Variants in LRFN5 observed in about 807,000 individuals in gnomAD.
The protein encoded by LRFN5 is leucine rich repeat and fibronectin type III domain containing 5, also known as leucine-rich repeat and fibronectin type-III domain-containing protein 5.
LRFN5 carries 24 observed loss-of-function variants against 45.6 expected under a neutral mutation model. That is an observed-to-expected ratio of 0.53 (90% confidence interval 0.38 to 0.74). The LOEUF is 0.74. Among genes scored for constraint, LRFN5 ranks in the 30% least tolerant of loss-of-function variants. The pLI is 0.00. For synonymous variants in LRFN5, 340 were observed against 313.8 expected, an observed-to-expected ratio of 1.08 and a Z score of -0.88; for missense variants, 776 against 861.5, an observed-to-expected ratio of 0.90 and a Z score of 1.24.
At chr14:41,750,331 A>G (rs1228086587) in intron 1 of LRFN5, among the ~76,000 whole-genome samples, 2 of 149,530 alleles carry the variant, frequency 1.3e-5, no homozygotes, top group Non-Finnish European at 1.5e-5. Flanking sequence ...TTTCATGTAT[A>G]TATATTTCTA....
Position 41,819,321 on chromosome 14 carries a change from G to A in LRFN5, c.-21+52292G>A, listed in dbSNP as rs925935098. On this transcript the variant is annotated intron_variant, in intron 2 of 5. Transcript: ENST00000298119. ...AATCTTTGTATTCTTTTCCTTAGAGGTTATACTAAATTGTATAACCAATAA... is the reference window on the plus strand; with the variant it reads ...AATCTTTGTATTCTTTTCCTTAGAGATTATACTAAATTGTATAACCAATAA... 3.9e-5 allele frequency among the ~76,000 whole-genome samples: 6 copies of A among 152,036 alleles called. 1 individual carries two copies. The South Asian group carries it at 1.2e-3, about 32-fold the overall frequency.
At chr14:41,833,854 T>G (rs1001975711) in intron 2 of LRFN5, among the ~76,000 whole-genome samples, 1 of 152,238 alleles carries the variant, frequency 6.6e-6, no homozygotes, top group African/African-American at 2.4e-5. Context: ...CTCTTTCTTT[T>G]GAACTACTGA....
At chr14:41,725,825 C>A (rs1712675685) in intron 1 of LRFN5, among the ~76,000 whole-genome samples, 1 of 152,082 alleles carries the variant, frequency 6.6e-6, no homozygotes, top group African/African-American at 2.4e-5. Context: ...AAGACATGCT[C>A]TTTTCTGGAG....
At chr14:41,894,450 A>G (rs1890875195) in intron 4 of LRFN5, 1 of 952,314 alleles carries the variant, frequency 1.1e-6, no homozygotes, top group Admixed American at 6.2e-5. Flanking sequence ...CAATATTTAA[A>G]CCAAATGCTT....
At chr14:41,728,160 T>A (rs937829248) in intron 1 of LRFN5, among the ~76,000 whole-genome samples, 1 of 152,162 alleles carries the variant, frequency 6.6e-6, no homozygotes. Context: ...AATCTTCCAT[T>A]AGTCATATTT....
intron 1 of LRFN5, among the ~76,000 whole-genome samples, chr14:41,683,162 A>C (rs1881976179): frequency 6.6e-6 from 1 of 152,230 alleles, no homozygotes; most frequent in Admixed American, 6.5e-5. Flanking sequence ...AGGATGGTTC[A>C]ACTTTTGCAC....
At chr14:41,777,650 C>T (rs1886338460) in intron 2 of LRFN5, among the ~76,000 whole-genome samples, 1 of 151,728 alleles carries the variant, frequency 6.6e-6, no homozygotes, top group South Asian at 2.1e-4. Flanking sequence ...GCTAGGAGCT[C>T]TATTACATTG....
intron 2 of LRFN5, among the ~76,000 whole-genome samples, chr14:41,794,244 A>G (rs1203636938): frequency 6.6e-6 from 1 of 151,998 alleles, no homozygotes; most frequent in Non-Finnish European, 1.5e-5. Flanking sequence ...CTTCCTGTGT[A>G]TATGCTTTGT....
At chr14:41,618,417 T>C (rs1210747201) in intron 1 of LRFN5, among the ~76,000 whole-genome samples, 4 of 152,214 alleles carry the variant, frequency 2.6e-5, no homozygotes, top group Non-Finnish European at 5.9e-5. Flanking sequence ...TCTACTCTGC[T>C]CTTTTCAAAA....
intron 1 of LRFN5, among the ~76,000 whole-genome samples, chr14:41,649,868 A>G (rs1437770397): frequency 1.3e-5 from 2 of 152,114 alleles, no homozygotes; most frequent in East Asian, 3.9e-4. Flanking sequence ...CCCCATTGCA[A>G]TACTCTGTTT....
At chr14:41,763,247 A>G (rs1885742839) in intron 1 of LRFN5, among the ~76,000 whole-genome samples, 1 of 152,200 alleles carries the variant, frequency 6.6e-6, no homozygotes, top group Non-Finnish European at 1.5e-5. Flanking sequence ...AAAAATGGTC[A>G]CAGTTGTGAT....
At chr14:41,742,718 C>A (rs1220849385) in intron 1 of LRFN5, 1 of 142,528 alleles carries the variant, frequency 7.0e-6, no homozygotes, top group African/African-American at 2.7e-5. Flanking sequence ...GTGTAGCGCA[C>A]TACATAGGGG....
intron 1 of LRFN5, among the ~76,000 whole-genome samples, chr14:41,620,480 G>C (rs537667905): frequency 6.6e-6 from 1 of 152,026 alleles, no homozygotes; most frequent in Non-Finnish European, 1.5e-5. Flanking sequence ...CTCTTATTAA[G>C]GACATGTTCG....
chr14:41,623,655 TA>T (rs1317005324), intron 1 of LRFN5, among the ~76,000 whole-genome samples: 4 of 152,116 alleles, frequency 2.6e-5, no homozygotes, highest in African/African-American at 7.2e-5. Flanking sequence ...GTGAGAACAT[TA>T]AAAATATGTA....
chr14:41,732,063 T>C (rs926944803), intron 1 of LRFN5, among the ~76,000 whole-genome samples: 7 of 152,164 alleles, frequency 4.6e-5, no homozygotes, highest in African/African-American at 4.8e-5. Flanking sequence ...CCTATTGAAG[T>C]CTTGAAACTT....
intron 1 of LRFN5, among the ~76,000 whole-genome samples, chr14:41,733,073 C>G (rs1419133740): frequency 6.7e-6 from 1 of 148,620 alleles, no homozygotes; most frequent in African/African-American, 2.5e-5. Flanking sequence ...ACAGATTGAA[C>G]AAAAGGACCA....
intron 1 of LRFN5, among the ~76,000 whole-genome samples, chr14:41,751,676 T>C (rs1433381513): frequency 6.6e-6 from 1 of 152,104 alleles, no homozygotes; most frequent in Non-Finnish European, 1.5e-5. Flanking sequence ...ACCTTAAGTA[T>C]CTTACTAAAG....
At chr14:41,902,339 G>A (rs930967149) in intron 5 of LRFN5, among the ~76,000 whole-genome samples, 4 of 151,532 alleles carry the variant, frequency 2.6e-5, no homozygotes, top group Admixed American at 6.6e-5. Context: ...TATTTGTATT[G>A]TTTGATACTC....
At chr14:41,867,916 A>G (rs1188873721) in intron 2 of LRFN5, among the ~76,000 whole-genome samples, 3 of 151,918 alleles carry the variant, frequency 2.0e-5, no homozygotes, top group African/African-American at 7.3e-5. Context: ...TGTAGGGGAG[A>G]GATCTTCCAG....
Sources: gnomAD v4.1 joint callset for allele counts (sites outside exome capture counted in the v4.1 genomes callset) on GRCh38, gnomAD v4.1.1 for gene constraint, MANE v1.5 for transcripts, NCBI Gene and HGNC (gene_info 2026-07-23, HGNC 2026-07-21) for gene names.